HSF5: variants seen among roughly 807,000 people sequenced by gnomAD.
The protein encoded by HSF5 is heat shock transcription factor 5.
HSF5 carries 5 observed loss-of-function variants against 50.8 expected under a neutral mutation model. That is an observed-to-expected ratio of 0.10 (90% CI 0.05 to 0.21). The LOEUF is 0.21. Among genes scored for constraint, HSF5 ranks in the 10% least tolerant of loss-of-function variants. HSF5 has a pLI of 1.00. For synonymous variants in HSF5, 307 were observed against 307.4 expected (o/e 1.00, Z 0.02); for missense variants, 564 against 762.6 (o/e 0.74, Z 3.07).
chr17:58,474,598 A>G (rs1974986616), intron 2 of HSF5, among the ~76,000 whole-genome samples: 1 of 152,242 alleles, frequency 6.6e-6, no homozygotes, highest in Non-Finnish European at 1.5e-5. Context: ...TTTTTAAAAC[A>G]GCATGTCCAA....
chr17:58,451,528 A>G (rs190268371), intron 5 of HSF5, among the ~76,000 whole-genome samples: 9 of 152,338 alleles, frequency 5.9e-5, no homozygotes, highest in Non-Finnish European at 1.0e-4. Flanking sequence ...AAATCAATAC[A>G]GGAAGAACTT....
intron 5 of HSF5, among the ~76,000 whole-genome samples, chr17:58,428,952 G>A (rs1016611940): frequency 1.3e-5 from 2 of 152,162 alleles, no homozygotes; most frequent in African/African-American, 4.8e-5. Context: ...CATGTTCATA[G>A]CACTATTCAC....
At chr17:58,473,700 G>GA (rs1420949332) in intron 2 of HSF5, among the ~76,000 whole-genome samples, 1 of 151,684 alleles carries the variant, frequency 6.6e-6, no homozygotes, top group African/African-American at 2.4e-5. Context: ...ACGTGAGAAA[G>GA]AAAAAAAATG....
chr17:58,429,560 G>A (rs1158302592), intron 5 of HSF5, among the ~76,000 whole-genome samples: 1 of 151,628 alleles, frequency 6.6e-6, no homozygotes, highest in Non-Finnish European at 1.5e-5. Flanking sequence ...AAAACTAAAT[G>A]TTTGGCCAGG....
Position 58,481,564 on chromosome 17 carries a change from A to C in HSF5, c.551-1297T>G, listed in dbSNP as rs182690870. 5.9e-5 allele frequency among the ~76,000 whole-genome samples: 9 copies of C among 152,390 alleles called. No individual in the cohort carries two copies. In the East Asian group the frequency reaches 1.7e-3, roughly 29 times the overall value. ...TAAGCTAATCTGTAAAACGGAGGGA[A>C]AACTTATTATGTGCTACTCAAGTAT... On this transcript the variant is annotated intron_variant, in intron 1 of 5. Transcript: ENST00000323777.
At chr17:58,466,788 G>A in intron 3 of HSF5, 97 bp downstream of exon 3, 1 of 733,016 alleles carries the variant, frequency 1.4e-6, no homozygotes, top group East Asian at 2.6e-5. Flanking sequence ...GCTTACTTCT[G>A]GTTACTCATT....
intron 2 of HSF5, among the ~76,000 whole-genome samples, chr17:58,475,957 C>T (rs1039322127): frequency 1.3e-5 from 2 of 152,008 alleles, no homozygotes; most frequent in African/African-American, 4.8e-5. Context: ...CAAGGTATTT[C>T]CCCCCAAATA....
intron 2 of HSF5, among the ~76,000 whole-genome samples, chr17:58,472,021 T>C (rs1209464101): frequency 2.6e-5 from 4 of 151,770 alleles, no homozygotes. Context: ...GCCTGGCTAA[T>C]TTTTTTTGGA....
In HSF5 at chr17:58,431,055, A is replaced by C. The variant is rs143782980; in HGVS notation, c.1721-8625T>G. Among the ~76,000 whole-genome samples, 1,135 of 152,302 alleles carry C rather than the reference A, an allele frequency of 7.5e-3. 15 individuals are homozygous for C. Among genetic ancestry groups the C allele is most frequent in the African/African-American group, 0.025 (1,051 of 41,558 alleles). On this transcript the variant is annotated intron_variant, in intron 5 of 5. Coordinates refer to ENST00000323777, the MANE Select transcript of HSF5 (RefSeq NM_001080439.3). ...GGTTTTCCCGTGCTGTTCTGATGAT[A>C]GTGAATAGTCTCATGAGACCTGATG...
At chr17:58,470,907 C>CA (rs1269468229) in intron 2 of HSF5, among the ~76,000 whole-genome samples, 1 of 152,006 alleles carries the variant, frequency 6.6e-6, no homozygotes, top group East Asian at 1.9e-4. Flanking sequence ...GCCTGGGTGA[C>CA]AGAGTGAGAC....
rs886806905 is a variant in HSF5 at position 58,472,170 on chromosome 17, T to TA, written c.926-5192dup. ...CTGTGCCCAGCCTTCTAGGACCATT[T>TA]AAAAAAAACAGCTGTTGGACAGGTA... On this transcript the variant is annotated intron_variant, in intron 2 of 5. Coordinates refer to ENST00000323777, the MANE Select transcript of HSF5 (RefSeq NM_001080439.3). 1.2e-4 allele frequency among the ~76,000 whole-genome samples: 18 copies of TA among 151,866 alleles called. No homozygotes were observed. In the South Asian group the frequency reaches 2.5e-3, roughly 21 times the overall value.
At chr17:58,429,390 C>T (rs1974335810) in intron 5 of HSF5, among the ~76,000 whole-genome samples, 1 of 152,120 alleles carries the variant, frequency 6.6e-6, no homozygotes, top group Admixed American at 6.6e-5. Flanking sequence ...AAATGTTTAA[C>T]TTATAGCGAG....
intron 2 of HSF5, among the ~76,000 whole-genome samples, chr17:58,467,356 T>G (rs1418447080): frequency 6.6e-6 from 1 of 152,234 alleles, no homozygotes; most frequent in Non-Finnish European, 1.5e-5. Context: ...TAACAACTAT[T>G]TGGAGGGTGG....
intron 2 of HSF5, among the ~76,000 whole-genome samples, chr17:58,475,722 T>G (rs1489652841): frequency 6.6e-6 from 1 of 152,184 alleles, no homozygotes; most frequent in African/African-American, 2.4e-5. Flanking sequence ...TGGTAAATGC[T>G]AAATGTTTTC....
intron 1 of HSF5, among the ~76,000 whole-genome samples, chr17:58,482,545 C>T (rs2143809812): frequency 6.6e-6 from 1 of 151,494 alleles, no homozygotes; most frequent in African/African-American, 2.4e-5. Context: ...CCCGTCTCTA[C>T]TAAAAATACA....
At chr17:58,482,108 A>AAAAT (rs1296382143) in intron 1 of HSF5, among the ~76,000 whole-genome samples, 4 of 61,006 alleles carry the variant, frequency 6.6e-5, no homozygotes, top group Non-Finnish European at 8.9e-5. Context: ...CTATCTCTTA[A>AAAAT]AAATAAATAA....
chr17:58,424,393 A>G (rs1425213730), intron 5 of HSF5, among the ~76,000 whole-genome samples: 1 of 151,970 alleles, frequency 6.6e-6, no homozygotes, highest in Non-Finnish European at 1.5e-5. Flanking sequence ...CAGGCAGATC[A>G]CAAGGTCAGG....
chr17:58,437,002 T>C (rs555528082), intron 5 of HSF5, among the ~76,000 whole-genome samples: 24 of 152,296 alleles, frequency 1.6e-4, no homozygotes, highest in African/African-American at 5.5e-4. Flanking sequence ...AATATTTCTG[T>C]CGGTATTTCT....
intron 2 of HSF5, among the ~76,000 whole-genome samples, chr17:58,478,813 A>C (rs1975059385): frequency 6.6e-6 from 1 of 150,890 alleles, no homozygotes; most frequent in African/African-American, 2.4e-5. Context: ...CAGTGAGCCA[A>C]GATCACGCCA....
Sources: allele counts gnomAD v4.1 joint callset (sites outside exome capture counted in the v4.1 genomes callset), GRCh38; gene constraint gnomAD v4.1.1; transcripts MANE v1.5; gene names NCBI Gene and HGNC (gene_info 2026-07-23, HGNC 2026-07-21).